The following PIEZO2 variants were observed in gnomAD, a reference collection of about 807,000 sequenced individuals.
PIEZO2 encodes piezo-type mechanosensitive ion channel component 2.
Under a neutral mutation model 337.3 loss-of-function variants are expected in PIEZO2, and 172 were observed. The ratio of observed to expected loss-of-function variants is 0.51; its 90% CI spans 0.45 to 0.58. The LOEUF (loss-of-function observed/expected upper bound fraction) is 0.58. Ranked by LOEUF, PIEZO2 falls within the 20% of genes least tolerant of loss-of-function variation. PIEZO2 has a pLI of 0.00. For synonymous variants in PIEZO2, 1,251 were observed against 1,228.5 expected, an observed-to-expected ratio of 1.02 and a Z score of -0.38; for missense variants, 3,028 against 3,391.3, an observed-to-expected ratio of 0.89 and a Z score of 2.66.
In PIEZO2 at chr18:11,096,181, G is replaced by A. The variant is rs955587567; in HGVS notation, c.65-29959C>T. On this transcript the variant is annotated intron_variant, in intron 1 of 55. Coordinates refer to ENST00000674853, the MANE Select transcript of PIEZO2 (RefSeq NM_001378183.1). This position sits in a 1 kb window ranked among gnomAD's most constrained non-coding sequence, Gnocchi z 4.6. ...GCTGAGACACCGCCAGCCTGGCTGTGGGGTGTGGCCACCTAGAGCCCTGGG... is the reference window on the plus strand; with the variant it reads ...GCTGAGACACCGCCAGCCTGGCTGTAGGGTGTGGCCACCTAGAGCCCTGGG... Among the ~76,000 whole-genome samples the A allele has an allele frequency of 3.9e-5, 6 of 152,222 alleles. No homozygotes were observed. Among genetic ancestry groups the A allele is most frequent in the Admixed American group, 6.5e-5 (1 of 15,286 alleles).
In PIEZO2 at chr18:10,682,702, C is replaced by T. The variant is rs1046233644; in HGVS notation, c.7498-410G>A. 4.6e-5 allele frequency among the ~76,000 whole-genome samples: 7 copies of T among 152,088 alleles called. No individual in the cohort carries two copies. Among genetic ancestry groups the T allele is most frequent in the Non-Finnish European group, 8.8e-5 (6 of 68,012 alleles). On this transcript the variant is annotated intron_variant, in intron 49 of 55. Transcript: ENST00000674853. The surrounding 1 kb of genome is among the most constrained non-coding windows in gnomAD (Gnocchi z 5.6). ...ATTCCTGAATATTTAAAATCTGTGCCTTTCAGTTGACCCTTCCCTGCCCTT... is the reference window on the plus strand; with the variant it reads ...ATTCCTGAATATTTAAAATCTGTGCTTTTCAGTTGACCCTTCCCTGCCCTT...
At position 11,031,911 on chromosome 18, in the gene PIEZO2, C is replaced by T. The variant is rs928126348; in HGVS notation, c.160+34216G>A. Among the ~76,000 whole-genome samples, 7 of 152,132 alleles carry T rather than the reference C, an allele frequency of 4.6e-5. No homozygotes were observed. The highest frequency in any genetic ancestry group is 4.6e-4 in the Admixed American group (7 of 15,274). ...ATATTAGCCCAACCCTTTATTCTCA[C>T]CATCACATTTCCAAGATACGAGACA... On this transcript the variant is annotated intron_variant, in intron 2 of 55. Coordinates refer to ENST00000674853, the MANE Select transcript of PIEZO2 (RefSeq NM_001378183.1). This position sits in a 1 kb window ranked among gnomAD's most constrained non-coding sequence, Gnocchi z 4.7.
In PIEZO2 at chr18:10,928,488, G is replaced by A. The variant is rs1322091749; in HGVS notation, c.287-17260C>T. Among the ~76,000 whole-genome samples, 10 of 152,218 alleles carry A rather than the reference G, an allele frequency of 6.6e-5. 1 individual carries two copies. The highest frequency in any genetic ancestry group is 1.9e-4 in the East Asian group (1 of 5,202). On this transcript the variant is annotated intron_variant, in intron 3 of 55. Transcript: ENST00000674853. The stretch of plus-strand genomic sequence containing the variant: ...TCTGCACTTCCCTTTTGAGGGGAGG[G>A]AGCCAGAGTTTCATCCTTTTTTAAA...
At chr18:10,865,489 G>T (rs1392907112) in intron 5 of PIEZO2, among the ~76,000 whole-genome samples, 1 of 152,144 alleles carries the variant, frequency 6.6e-6, no homozygotes, top group African/African-American at 2.4e-5. Flanking sequence ...TAATTCAAAG[G>T]ATTTGTTGGT....
chr18:10,742,798 TTGTGTGTGTGTGTGTG>T (rs71169946), intron 31 of PIEZO2, among the ~76,000 whole-genome samples, 183 bp from the exon 32 acceptor site: 3 of 115,576 alleles, frequency 2.6e-5, no homozygotes, highest in African/African-American at 1.6e-4. Context: ...ATATACATAT[TTGTGTGTGTGTGTGTG>T]TGTGTGTGTG....
intron 4 of PIEZO2, among the ~76,000 whole-genome samples, chr18:10,892,464 C>T (rs1399935610): frequency 6.6e-6 from 1 of 151,994 alleles, no homozygotes; most frequent in Non-Finnish European, 1.5e-5. Flanking sequence ...GTGGTTGCCA[C>T]GGGCTGGGGG....
intron 28 of PIEZO2, among the ~76,000 whole-genome samples, chr18:10,752,276 A>G (rs1249969986): frequency 6.6e-6 from 1 of 152,230 alleles, no homozygotes; most frequent in Non-Finnish European, 1.5e-5. Flanking sequence ...TTTTGAAAAG[A>G]TTCAGTGGCT....
At chr18:10,901,316 A>C (rs2043040989) in intron 4 of PIEZO2, among the ~76,000 whole-genome samples, 1 of 151,952 alleles carries the variant, frequency 6.6e-6, no homozygotes, top group African/African-American at 2.4e-5. Context: ...GAGCCTCAGG[A>C]TTTTCTCTCT....
intron 3 of PIEZO2, among the ~76,000 whole-genome samples, chr18:10,961,328 C>T (rs1245645532): frequency 6.6e-6 from 1 of 152,120 alleles, no homozygotes; most frequent in African/African-American, 2.4e-5. Flanking sequence ...AACCAAACAT[C>T]GTATGTTCTT....
At chr18:10,976,455 A>T (rs2034444148) in intron 3 of PIEZO2, among the ~76,000 whole-genome samples, 1 of 152,180 alleles carries the variant, frequency 6.6e-6, no homozygotes, top group Non-Finnish European at 1.5e-5. Flanking sequence ...TCTTTCACAT[A>T]TCCCTTCTCT....
intron 2 of PIEZO2, among the ~76,000 whole-genome samples, chr18:11,004,265 A>G (rs2035645289): frequency 6.6e-6 from 1 of 152,132 alleles, no homozygotes; most frequent in African/African-American, 2.4e-5. Context: ...GGAACAGAAG[A>G]GAGAGGAATT....
chr18:11,106,409 T>C (rs375856979), intron 1 of PIEZO2, among the ~76,000 whole-genome samples: 2 of 147,344 alleles, frequency 1.4e-5, no homozygotes, highest in Non-Finnish European at 1.5e-5. Context: ...ATTTTTTTCT[T>C]TCCTCTCTCT....
Position 10,863,399 on chromosome 18 carries a change from A to G in PIEZO2, c.493-6188T>C, listed in dbSNP as rs2041926373. On this transcript the variant is annotated intron_variant, in intron 5 of 55. Transcript: ENST00000674853. This position sits in a 1 kb window ranked among gnomAD's most constrained non-coding sequence, Gnocchi z 4.3. ...TTGCTACATTTGTTTTGGGAAGATT[A>G]TTCTTCCAAACTCCTAAGATCAGCT... is the stretch of plus-strand genomic sequence containing the variant. 6.6e-6 allele frequency among the ~76,000 whole-genome samples: 1 copy of G among 152,246 alleles called. No homozygotes were observed. The highest frequency in any genetic ancestry group is 2.4e-5 in the African/African-American group (1 of 41,470).
intron 1 of PIEZO2, among the ~76,000 whole-genome samples, chr18:11,067,724 C>A (rs2038197935): frequency 6.6e-6 from 1 of 152,126 alleles, no homozygotes; most frequent in African/African-American, 2.4e-5. Flanking sequence ...AAGCAAATAT[C>A]AACGGATATA....
Position 10,726,488 on chromosome 18 carries a change from G to A in PIEZO2, c.5029+4919C>T. 4.6e-6 allele frequency: 7 copies of A among 1,510,030 alleles called. No individual in the cohort carries two copies. The highest frequency in any genetic ancestry group is 4.4e-6 in the Non-Finnish European group (5 of 1,135,658). The allele number at this position is 1,510,030 out of a possible 1,614,324, so 93.5% of individuals were successfully genotyped here. A position where few individuals can be genotyped will look rare whatever the true frequency, so the allele number is the denominator to read the frequency against. ...GGAGGGCCTGGCCACCCTGCACAGC[G>A]TGCTGCTCCGCAAGCAGCCGTTCCT... On this transcript the variant is annotated intron_variant, in intron 36 of 55. Transcript: ENST00000674853. This position sits in a 1 kb window ranked among gnomAD's most constrained non-coding sequence, Gnocchi z 5.9.
chr18:10,780,728 T>C (rs1041677118), intron 17 of PIEZO2, among the ~76,000 whole-genome samples: 1 of 150,344 alleles, frequency 6.7e-6, no homozygotes, highest in African/African-American at 2.4e-5. Context: ...CAGTGACGTA[T>C]CTTAGCTCAT....
rs1039254973 is a variant in PIEZO2, at chr18:10,671,435, G to A, written c.*92C>T. The A allele has an allele frequency of 5.3e-5, 70 of 1,332,800 alleles. No homozygotes were observed. The highest frequency in any genetic ancestry group is 2.3e-4 in the Middle Eastern group (1 of 4,256). 82.6% of individuals were successfully genotyped at this position (1,332,800 alleles called of 1,614,324 possible). A position where few individuals can be genotyped will look rare whatever the true frequency, so the allele number is the denominator to read the frequency against. On this transcript the variant is annotated 3_prime_UTR_variant, in exon 56 of 56. Transcript: ENST00000674853. ...ATCAGAAGAGAAACAAACCATTTCC[G>A]TCGAACTAGAAATGCTTAGCTCTTA...
chr18:10,980,626 G>A lies in PIEZO2; in HGVS notation c.161-966C>T, dbSNP rs1468284361. 6.6e-6 allele frequency among the ~76,000 whole-genome samples: 1 copy of A among 152,078 alleles called. No homozygotes were observed. Among genetic ancestry groups the A allele is most frequent in the Admixed American group, 6.6e-5 (1 of 15,266 alleles). The stretch of plus-strand genomic sequence containing the variant: ...TTATATATCATCATCAACAGAGAAC[G>A]CCAAACTAACTCCATGACCAACTAT... On this transcript the variant is annotated intron_variant, in intron 2 of 55. Coordinates refer to ENST00000674853, the MANE Select transcript of PIEZO2 (RefSeq NM_001378183.1). This position sits in a 1 kb window ranked among gnomAD's most constrained non-coding sequence, Gnocchi z 4.8.
At chr18:11,117,195 T>C (rs1266772349) in intron 1 of PIEZO2, among the ~76,000 whole-genome samples, 1 of 152,222 alleles carries the variant, frequency 6.6e-6, no homozygotes, top group Non-Finnish European at 1.5e-5. Context: ...CCTGAGGAGA[T>C]GGATATCCTA....
Sources: gnomAD v4.1 joint callset for allele counts (sites outside exome capture counted in the v4.1 genomes callset) on GRCh38, gnomAD v4.1.1 for gene constraint, Gnocchi (gnomAD v3.1) non-coding constraint, MANE v1.5 for transcripts, NCBI Gene and HGNC (gene_info 2026-07-23, HGNC 2026-07-21) for gene names.